The following PCSK5 variants were observed in gnomAD, a reference collection of about 807,000 sequenced individuals.
PCSK5 encodes proprotein convertase subtilisin/kexin type 5.
A neutral mutation model predicts 233.2 loss-of-function variants in PCSK5; 129 were observed. That is an observed-to-expected ratio of 0.55 (90% CI 0.48 to 0.64). The LOEUF is 0.64. Among genes scored for constraint, PCSK5 ranks in the 30% least tolerant of loss-of-function variants. The pLI, the probability that PCSK5 is intolerant of heterozygous loss-of-function variation, is 0.00. For missense variants in PCSK5, 2,076 were observed against 2,430.1 expected, an observed-to-expected ratio of 0.85 and a Z score of 3.06; for synonymous variants, 825 against 879.2, an observed-to-expected ratio of 0.94 and a Z score of 1.09.
At chr9:75,926,082 C>G (rs1823474784) in intron 1 of PCSK5, among the ~76,000 whole-genome samples, 1 of 152,166 alleles carries the variant, frequency 6.6e-6, no homozygotes, top group South Asian at 2.1e-4. Context: ...CGGACACATT[C>G]CAGCTCCACA....
At chr9:75,976,211 A>G (rs1390123595) in intron 2 of PCSK5, among the ~76,000 whole-genome samples, 5 of 151,516 alleles carry the variant, frequency 3.3e-5, no homozygotes, top group Non-Finnish European at 5.9e-5. Flanking sequence ...ATGAGTTCTC[A>G]TCACTGGCTT....
chr9:76,252,463 G>A, intron 24 of PCSK5, among the ~76,000 whole-genome samples: 1 of 152,130 alleles, frequency 6.6e-6, no homozygotes, highest in Non-Finnish European at 1.5e-5. Context: ...TGGGTTCACT[G>A]CTCATCTAGA....
At chr9:76,180,023 A>G (rs1006591046) in intron 15 of PCSK5, among the ~76,000 whole-genome samples, 1 of 143,170 alleles carries the variant, frequency 7.0e-6, no homozygotes, top group Non-Finnish European at 1.5e-5. Context: ...TTTTTAATTG[A>G]CAAGTAAAAA....
chr9:75,896,927 C>T (rs2131187577), intron 1 of PCSK5, among the ~76,000 whole-genome samples: 1 of 152,196 alleles, frequency 6.6e-6, no homozygotes, highest in South Asian at 2.1e-4. Context: ...CAATCAATAC[C>T]AATAAACTCT....
intron 2 of PCSK5, among the ~76,000 whole-genome samples, chr9:75,965,589 T>C (rs963782093): frequency 7.2e-5 from 11 of 152,174 alleles, no homozygotes; most frequent in African/African-American, 2.7e-4. Flanking sequence ...CCCACCCACA[T>C]TGGGGATGGC....
At chr9:76,059,482 ATGGTTTTAG>A (rs1484687986) in intron 5 of PCSK5, among the ~76,000 whole-genome samples, 2 of 152,160 alleles carry the variant, frequency 1.3e-5, no homozygotes, top group African/African-American at 4.8e-5. Context: ...TAAGGTTTTT[ATGGTTTTAG>A]GTCTAACGTT....
intron 2 of PCSK5, among the ~76,000 whole-genome samples, chr9:75,956,129 A>G (rs1469370304): frequency 2.6e-5 from 4 of 152,188 alleles, no homozygotes; most frequent in African/African-American, 4.8e-5. Flanking sequence ...TTTATATCCC[A>G]AACAGCCATC....
intron 20 of PCSK5, among the ~76,000 whole-genome samples, chr9:76,207,384 A>G (rs1825161073): frequency 6.6e-6 from 1 of 152,184 alleles, no homozygotes; most frequent in African/African-American, 2.4e-5. Context: ...TCATGAGAAC[A>G]TTACCATGTG....
chr9:75,927,483 G>A (rs1180135791), intron 1 of PCSK5, among the ~76,000 whole-genome samples: 1 of 152,136 alleles, frequency 6.6e-6, no homozygotes, highest in African/African-American at 2.4e-5. Context: ...GAAAAATCCT[G>A]TGTCCCAGGA....
chr9:75,937,110 A>G (rs972010911), intron 2 of PCSK5, among the ~76,000 whole-genome samples: 7 of 152,102 alleles, frequency 4.6e-5, no homozygotes, highest in African/African-American at 1.4e-4. Flanking sequence ...TATGCTGTAA[A>G]CAGATGTGCT....
At chr9:76,048,197 T>C (rs999868442) in intron 5 of PCSK5, among the ~76,000 whole-genome samples, 1 of 152,208 alleles carries the variant, frequency 6.6e-6, no homozygotes. Context: ...AGGAAATCAG[T>C]TTGCTTGATT....
chr9:76,188,986 AATT>A (rs1824234112), intron 18 of PCSK5, 105 bp from the exon 19 acceptor site: 2 of 964,374 alleles, frequency 2.1e-6, no homozygotes, highest in African/African-American at 1.7e-5. Context: ...ATGAATATTA[AATT>A]ATTATTCTTT....
At chr9:76,060,768 T>A (rs1411529314) in intron 5 of PCSK5, among the ~76,000 whole-genome samples, 1 of 152,162 alleles carries the variant, frequency 6.6e-6, no homozygotes, top group East Asian at 1.9e-4. Flanking sequence ...TGTTAGCTAT[T>A]TGTGATCAAA....
At chr9:76,247,125 C>G (rs533194271) in intron 24 of PCSK5, among the ~76,000 whole-genome samples, 1 of 152,288 alleles carries the variant, frequency 6.6e-6, no homozygotes, top group African/African-American at 2.4e-5. Context: ...AAGCCTTTAG[C>G]CAGATCAGGA....
chr9:75,918,307 C>G (rs1305825157), intron 1 of PCSK5, among the ~76,000 whole-genome samples: 1 of 152,212 alleles, frequency 6.6e-6, no homozygotes, highest in Non-Finnish European at 1.5e-5. Flanking sequence ...CATCAACACT[C>G]TTGGTGACCT....
intron 5 of PCSK5, among the ~76,000 whole-genome samples, chr9:76,040,097 T>A (rs1829028187): frequency 6.6e-6 from 1 of 152,194 alleles, no homozygotes; most frequent in East Asian, 1.9e-4. Context: ...GATTTTTGTT[T>A]TTGTCCCCCA....
intron 2 of PCSK5, among the ~76,000 whole-genome samples, chr9:75,933,915 A>C (rs62555892): frequency 6.6e-6 from 1 of 152,194 alleles, no homozygotes; most frequent in Non-Finnish European, 1.5e-5. Flanking sequence ...CTCATGTACA[A>C]AATCAATGTG....
chr9:76,072,054 G>A (rs1386733221), intron 7 of PCSK5, among the ~76,000 whole-genome samples, 156 bp downstream of exon 7: 1 of 152,230 alleles, frequency 6.6e-6, no homozygotes, highest in East Asian at 1.9e-4. Context: ...GAACATTTGG[G>A]ATTGTGAGTT....
In PCSK5 at chr9:76,048,481, T is replaced by G. The variant is rs553039947; in HGVS notation, c.633-19474T>G. On this transcript the variant is annotated intron_variant, in intron 5 of 37. Transcript: ENST00000674117. Reference sequence around the variant, plus strand: ...ATCATTAGTTTGTTCTGGCACTAAGTACGTGTGTACCTGAGGATGTATGCA... The same window carrying G: ...ATCATTAGTTTGTTCTGGCACTAAGGACGTGTGTACCTGAGGATGTATGCA... 2.8e-4 allele frequency among the ~76,000 whole-genome samples: 43 copies of G among 152,344 alleles called. 2 individuals carry two copies. The South Asian group carries it at 8.9e-3, about 32-fold the overall frequency.
Sources: gnomAD v4.1 joint callset for allele counts (sites outside exome capture counted in the v4.1 genomes callset) on GRCh38, gnomAD v4.1.1 for gene constraint, MANE v1.5 for transcripts, NCBI Gene and HGNC (gene_info 2026-07-23, HGNC 2026-07-21) for gene names.